OSBPL3: variants seen among roughly 807,000 people sequenced by gnomAD.
The protein encoded by OSBPL3 is oxysterol binding protein like 3, also known as oxysterol-binding protein-related protein 3.
A neutral mutation model predicts 120.1 loss-of-function variants in OSBPL3; 65 were observed. The ratio of observed to expected loss-of-function variants is 0.54; its 90% confidence interval spans 0.44 to 0.67. The LOEUF is 0.67. OSBPL3 is among the 30% of genes least tolerant of loss of function. The pLI, the probability that OSBPL3 is intolerant of heterozygous loss-of-function variation, is 0.00. For missense variants in OSBPL3, 1,004 were observed against 1,082.1 expected, an observed-to-expected ratio of 0.93 and a Z score of 1.01; for synonymous variants, 416 against 402.6, an observed-to-expected ratio of 1.03 and a Z score of -0.40.
In OSBPL3 at chr7:24,917,446, T is replaced by TATATAC. The variant is rs1366145573; in HGVS notation, c.-149-24826_-149-24825insGTATAT. Among the ~76,000 whole-genome samples, 77 of 122,222 alleles carry TATATAC rather than the reference T, an allele frequency of 6.3e-4. 2 individuals are homozygous for TATATAC. Among genetic ancestry groups the TATATAC allele is most frequent in the Non-Finnish European group, 1.0e-3 (61 of 58,850 alleles). The allele number at this position is 122,222 out of a possible 152,430, so 80.2% of individuals were successfully genotyped here. On this transcript the variant is annotated intron_variant, in intron 1 of 22. Coordinates refer to ENST00000313367, the MANE Select transcript of OSBPL3 (RefSeq NM_015550.4). ...TATATATTTGTAACATATATATATATACACACACATATATATATATATACA... is the reference window on the plus strand; with the variant it reads ...TATATATTTGTAACATATATATATATATATACACACACACATATATATATATATACA...
At chr7:24,962,148 C>T (rs1815821638) in intron 1 of OSBPL3, among the ~76,000 whole-genome samples, 1 of 151,562 alleles carries the variant, frequency 6.6e-6, no homozygotes, top group Non-Finnish European at 1.5e-5. Flanking sequence ...ACTAATAATA[C>T]AAAAATTAGC....
chr7:24,871,758 G>A lies in OSBPL3; in HGVS notation c.251C>T (p.Ala84Val). ...AAGACTTACATCGGTTTGGCTCTTGGCATATTTCAAGATTCCTTTGTCCAG... is the reference window on the plus strand; with the variant it reads ...AAGACTTACATCGGTTTGGCTCTTGACATATTTCAAGATTCCTTTGTCCAG... ...FYLDKGILKY[A>V]KSQTDIEREK... Residue 84 changes from alanine (A) to valine (V), a missense_variant, in exon 4 of 23, where the codon GCC becomes GTC. Ala to Val is a moderately conservative substitution (Grantham distance 64, BLOSUM62 0). Transcript: ENST00000313367. The surrounding 1 kb of genome is among the most constrained non-coding windows in gnomAD (Gnocchi z 4.8). The A allele has an allele frequency of 2.5e-6, 4 of 1,612,838 alleles. No individual in the cohort carries two copies. Among genetic ancestry groups the A allele is most frequent in the Non-Finnish European group, 3.4e-6 (4 of 1,178,874 alleles).
intron 14 of OSBPL3, among the ~76,000 whole-genome samples, chr7:24,837,709 C>T (rs910137916): frequency 2.6e-5 from 4 of 152,168 alleles, no homozygotes; most frequent in Non-Finnish European, 4.4e-5. Flanking sequence ...TATGTAACTA[C>T]CACTTGTGGT....
At chr7:24,943,737 C>T (rs1305103956) in intron 1 of OSBPL3, among the ~76,000 whole-genome samples, 2 of 152,148 alleles carry the variant, frequency 1.3e-5, no homozygotes, top group African/African-American at 2.4e-5. Flanking sequence ...AAAGCTTTCA[C>T]GTTCCCTGGT....
intron 10 of OSBPL3, among the ~76,000 whole-genome samples, chr7:24,859,119 C>T (rs776174165): frequency 1.4e-4 from 22 of 152,112 alleles, no homozygotes; most frequent in Non-Finnish European, 2.9e-4. Context: ...AGGTAGCAAT[C>T]TGTATAAAGG....
chr7:24,872,072 G>A lies in OSBPL3; in HGVS notation c.97-3C>T. ...CCTTCCACCACTTCCCAGCTGTCCT[G>A]TTCCAACAAAAGAGTTCATGTTAAA... On this transcript the variant is annotated splice_region_variant and splice_polypyrimidine_tract_variant and intron_variant, in intron 2 of 22. Coordinates refer to ENST00000313367, the MANE Select transcript of OSBPL3 (RefSeq NM_015550.4). The surrounding 1 kb of genome is among the most constrained non-coding windows in gnomAD (Gnocchi z 4.1). 1 of 1,583,806 alleles carries A rather than the reference G, an allele frequency of 6.3e-7. No homozygotes were observed. Among genetic ancestry groups the A allele is most frequent in the Middle Eastern group, 1.7e-4 (1 of 5,984 alleles).
intron 1 of OSBPL3, among the ~76,000 whole-genome samples, chr7:24,903,618 G>A (rs1051411771): frequency 2.6e-5 from 4 of 152,142 alleles, no homozygotes; most frequent in African/African-American, 7.2e-5. Context: ...TACCTCAAGC[G>A]GACTTTTCAG....
At chr7:24,923,147 A>G (rs1810607471) in intron 1 of OSBPL3, among the ~76,000 whole-genome samples, 1 of 152,228 alleles carries the variant, frequency 6.6e-6, no homozygotes, top group Admixed American at 6.5e-5. Context: ...ACAATAGGTT[A>G]TCTATCTAGA....
Position 24,938,144 on chromosome 7 carries a change from C to G in OSBPL3, c.-150+41742G>C, listed in dbSNP as rs974099359. On this transcript the variant is annotated intron_variant, in intron 1 of 22. Coordinates refer to ENST00000313367, the MANE Select transcript of OSBPL3 (RefSeq NM_015550.4). This position sits in a 1 kb window ranked among gnomAD's most constrained non-coding sequence, Gnocchi z 5.8. ...GGTATGTTGAAACCTAATCACCAAC[C>G]TGATGGTATTAGGAGTTGGAGCCTT... is the stretch of plus-strand genomic sequence containing the variant. Among the ~76,000 whole-genome samples, 4 of 152,168 alleles carry G rather than the reference C, an allele frequency of 2.6e-5. No homozygotes were observed. Among genetic ancestry groups the G allele is most frequent in the Non-Finnish European group, 5.9e-5 (4 of 68,032 alleles).
At chr7:24,979,139 T>C (rs375889927) in intron 1 of OSBPL3, among the ~76,000 whole-genome samples, 1 of 152,112 alleles carries the variant, frequency 6.6e-6, no homozygotes, top group East Asian at 1.9e-4. Context: ...AAAACCCAAC[T>C]GTAGACAACG....
intron 1 of OSBPL3, among the ~76,000 whole-genome samples, chr7:24,902,695 GAAAATAA>G (rs1467411768): frequency 1.1e-5 from 1 of 91,170 alleles, no homozygotes; most frequent in Non-Finnish European, 2.1e-5. Context: ...ATTTACAAGA[GAAAATAA>G]ATAATAATAA....
chr7:24,965,037 C>G lies in OSBPL3; in HGVS notation c.-150+14849G>C, dbSNP rs138201019. Among the ~76,000 whole-genome samples the G allele has an allele frequency of 2.0e-5, 3 of 152,082 alleles. No homozygotes were observed. In the South Asian group the frequency reaches 6.2e-4, roughly 32 times the overall value. On this transcript the variant is annotated intron_variant, in intron 1 of 22. Coordinates refer to ENST00000313367, the MANE Select transcript of OSBPL3 (RefSeq NM_015550.4). The surrounding 1 kb of genome is among the most constrained non-coding windows in gnomAD (Gnocchi z 4.3). ...ATTATTTGTAATTGAGACTACTGGG[C>G]CACTAAAGTGCATGAGTTCAGAAGT... is the stretch of plus-strand genomic sequence containing the variant.
chr7:24,915,270 T>C (rs1253733338), intron 1 of OSBPL3, among the ~76,000 whole-genome samples: 10 of 152,188 alleles, frequency 6.6e-5, no homozygotes, highest in Admixed American at 6.5e-4. Flanking sequence ...AGTTTTTCCA[T>C]AATCTGACCC....
In OSBPL3 at chr7:24,933,435, T is replaced by C. The variant is rs533772813; in HGVS notation, c.-149-40814A>G. Among the ~76,000 whole-genome samples, 1 of 152,308 alleles carries C rather than the reference T, an allele frequency of 6.6e-6. No individual in the cohort carries two copies. Among genetic ancestry groups the C allele is most frequent in the South Asian group, 2.1e-4 (1 of 4,826 alleles). On this transcript the variant is annotated intron_variant, in intron 1 of 22. Coordinates refer to ENST00000313367, the MANE Select transcript of OSBPL3 (RefSeq NM_015550.4). This position sits in a 1 kb window ranked among gnomAD's most constrained non-coding sequence, Gnocchi z 5.1. ...GAATAATTTCATGGACATAACAATATGTTAAGTTTATGAATATTTAAAAAG... is the reference window on the plus strand; with the variant it reads ...GAATAATTTCATGGACATAACAATACGTTAAGTTTATGAATATTTAAAAAG...
intron 1 of OSBPL3, among the ~76,000 whole-genome samples, chr7:24,911,563 T>A (rs576357278): frequency 6.6e-6 from 1 of 152,322 alleles, no homozygotes; most frequent in African/African-American, 2.4e-5. Flanking sequence ...ATGTATCAGA[T>A]GTACACACTT....
chr7:24,976,190 T>C (rs6977038), intron 1 of OSBPL3, among the ~76,000 whole-genome samples: 32,775 of 152,152 alleles, frequency 0.22, 3,763 homozygotes, highest in East Asian at 0.45. Flanking sequence ...TGCTTTGATA[T>C]TGCCCTGAGG....
intron 1 of OSBPL3, among the ~76,000 whole-genome samples, chr7:24,941,860 G>A (rs1479769054): frequency 2.6e-5 from 4 of 152,092 alleles, no homozygotes; most frequent in Admixed American, 6.5e-5. Flanking sequence ...CCTCCTAAGC[G>A]CCAACTCAAC....
chr7:24,909,305 G>A (rs1029835333), intron 1 of OSBPL3, among the ~76,000 whole-genome samples: 3 of 152,124 alleles, frequency 2.0e-5, no homozygotes, highest in African/African-American at 7.2e-5. Flanking sequence ...GCTTGGTAGG[G>A]GCTTGTGACT....
chr7:24,922,402 C>T lies in OSBPL3; in HGVS notation c.-149-29781G>A, dbSNP rs1810504737. Among the ~76,000 whole-genome samples, 1 of 152,090 alleles carries T rather than the reference C, an allele frequency of 6.6e-6. No homozygotes were observed. The highest frequency in any genetic ancestry group is 1.5e-5 in the Non-Finnish European group (1 of 68,014). On this transcript the variant is annotated intron_variant, in intron 1 of 22. Transcript: ENST00000313367. This position sits in a 1 kb window ranked among gnomAD's most constrained non-coding sequence, Gnocchi z 4.3. Reference sequence around the variant, plus strand: ...ATTCTCAACCAGGGAACAATTCCCTCTCAGGGGAATTGTATGGCTGAGTGA... The same window carrying T: ...ATTCTCAACCAGGGAACAATTCCCTTTCAGGGGAATTGTATGGCTGAGTGA...
Sources: gnomAD v4.1 joint callset for allele counts (sites outside exome capture counted in the v4.1 genomes callset) on GRCh38, gnomAD v4.1.1 for gene constraint, Gnocchi (gnomAD v3.1) non-coding constraint, MANE v1.5 for transcripts, NCBI Gene and HGNC (gene_info 2026-07-23, HGNC 2026-07-21) for gene names.